Variants in FLACC1 observed in about 807,000 individuals in gnomAD.
The protein encoded by FLACC1 is flagellum-associated coiled-coil domain-containing protein 1.
Under a neutral mutation model 62.8 loss-of-function variants are expected in FLACC1, and 66 were observed. The ratio of observed to expected loss-of-function variants is 1.05; its 90% confidence interval spans 0.86 to 1.29. The LOEUF (loss-of-function observed/expected upper bound fraction) is 1.29, where lower values mean the gene tolerates loss of function less well. FLACC1 is among the 50% of genes most tolerant of loss of function. The pLI, the probability that FLACC1 is intolerant of heterozygous loss-of-function variation, is 0.00. For missense variants in FLACC1, 452 were observed against 489.1 expected, an observed-to-expected ratio of 0.92 and a Z score of 0.71; for synonymous variants, 156 against 161.0, an observed-to-expected ratio of 0.97 and a Z score of 0.24.
At chr2:201,302,487 CT>C (rs1950006414) in intron 11 of FLACC1, among the ~76,000 whole-genome samples, 1 of 152,104 alleles carries the variant, frequency 6.6e-6, no homozygotes, top group South Asian at 2.1e-4. Flanking sequence ...TAATGGGAGA[CT>C]TTAATACCCC....
At chr2:201,359,119 T>A (rs1951161952), upstream of FLACC1, among the ~76,000 whole-genome samples, 1 of 152,080 alleles carries the variant, frequency 6.6e-6, no homozygotes. Flanking sequence ...AGAGAAGACA[T>A]GATAGAACTT....
intron 9 of FLACC1, among the ~76,000 whole-genome samples, chr2:201,312,680 T>C (rs571917635): frequency 6.6e-6 from 1 of 152,288 alleles, no homozygotes; most frequent in African/African-American, 2.4e-5. Flanking sequence ...ATACTACTAA[T>C]ATAAGGCTAC....
chr2:201,330,404 A>G, intron 9 of FLACC1, 66 bp downstream of exon 9: 1 of 1,455,248 alleles, frequency 6.9e-7, no homozygotes. Context: ...CTCTAGATTT[A>G]TCCCAATGTT....
intron 9 of FLACC1, among the ~76,000 whole-genome samples, chr2:201,323,481 T>C (rs905791201): frequency 1.3e-5 from 2 of 152,218 alleles, no homozygotes; most frequent in East Asian, 3.8e-4. Flanking sequence ...AAGAATTCTG[T>C]ATCCTGTAAA....
rs569667681 is a variant in FLACC1 at position 201,330,471 on chromosome 2, T to C, written c.674A>G (p.Gln225Arg). 61 of 1,613,428 alleles carry C rather than the reference T, an allele frequency of 3.8e-5. No individual in the cohort carries two copies. In the South Asian group the frequency reaches 5.9e-4, roughly 16 times the overall value. The change falls in exon 9 of 15, where the codon CAG becomes CGG. Residue 225 changes from glutamine (Q) to arginine (R), a missense_variant and splice_region_variant. Gln to Arg is a conservative substitution (Grantham distance 43). Around this residue, in one of 3 missense-constraint regions of FLACC1, gnomAD observed 301 missense variants for 318.4 expected, o/e 0.95. Coordinates refer to ENST00000392257, the MANE Select transcript of FLACC1 (RefSeq NM_001127391.3). The stretch of plus-strand genomic sequence containing the variant: ...CCAACAGGGAGCTGTGTATCTCACC[T>C]GATACGTACGAAACATATTCTTCAA... Reference protein sequence around the residue: ...KYLKNMFRTYQDSIYDEMEEK... With the variant: ...KYLKNMFRTYRDSIYDEMEEK...
chr2:201,359,954 C>G (rs1203100199), upstream of FLACC1, among the ~76,000 whole-genome samples: 1 of 141,660 alleles, frequency 7.1e-6, no homozygotes, highest in African/African-American at 2.6e-5. Flanking sequence ...AAAAAAAAAG[C>G]AGCAGGATTT....
intron 12 of FLACC1, among the ~76,000 whole-genome samples, chr2:201,294,638 T>G (rs1410062824): frequency 1.3e-5 from 2 of 151,964 alleles, no homozygotes; most frequent in African/African-American, 4.8e-5. Context: ...CTCTCACCAC[T>G]CCCATTCAAC....
chr2:201,341,869 TG>T (rs1950817438), intron 7 of FLACC1, among the ~76,000 whole-genome samples: 1 of 152,210 alleles, frequency 6.6e-6, no homozygotes, highest in African/African-American at 2.4e-5. Context: ...TCTGTCTTTC[TG>T]TATTTGGACT....
intron 1 of FLACC1, among the ~76,000 whole-genome samples, chr2:201,354,689 A>G (rs1219911794): frequency 6.6e-6 from 1 of 152,226 alleles, no homozygotes; most frequent in Non-Finnish European, 1.5e-5. Context: ...AGCAAAAAAG[A>G]AACTGCTTCT....
chr2:201,362,853 G>A, the FLACC1 span, among the ~76,000 whole-genome samples: 2 of 152,024 alleles, frequency 1.3e-5, no homozygotes, highest in African/African-American at 4.8e-5. Flanking sequence ...GCTTAGGGTA[G>A]GAGTCTCCAT....
intron 6 of FLACC1, among the ~76,000 whole-genome samples, chr2:201,342,718 C>T (rs1318699450): frequency 1.3e-5 from 2 of 152,178 alleles, no homozygotes; most frequent in Non-Finnish European, 2.9e-5. Flanking sequence ...GTCTGGTCTC[C>T]TGTGCTAGAT....
chr2:201,294,872 C>A (rs1432029495), intron 12 of FLACC1, among the ~76,000 whole-genome samples: 2 of 152,142 alleles, frequency 1.3e-5, no homozygotes. Flanking sequence ...TTCCTATACA[C>A]CAATAACAGA....
At chr2:201,357,809 T>C (rs1318784519), upstream of FLACC1, among the ~76,000 whole-genome samples, 1 of 152,200 alleles carries the variant, frequency 6.6e-6, no homozygotes, top group Non-Finnish European at 1.5e-5. Flanking sequence ...TCCGATTTTT[T>C]TTTTTAAATA....
At chr2:201,296,850 C>T (rs759893242) in intron 12 of FLACC1, among the ~76,000 whole-genome samples, 2 of 152,004 alleles carry the variant, frequency 1.3e-5, no homozygotes, top group South Asian at 2.1e-4. Flanking sequence ...AGTGAATGCA[C>T]GTATCTTACT....
chr2:201,312,791 T>C (rs1273299100), intron 9 of FLACC1, among the ~76,000 whole-genome samples: 2 of 152,186 alleles, frequency 1.3e-5, no homozygotes, highest in African/African-American at 2.4e-5. Flanking sequence ...CCAGAACTAC[T>C]GCAGGAATAA....
intron 12 of FLACC1, among the ~76,000 whole-genome samples, chr2:201,291,574 G>T (rs1050634557): frequency 1.3e-5 from 2 of 152,146 alleles, no homozygotes; most frequent in Admixed American, 1.3e-4. Context: ...CAAAGATGGG[G>T]AAAAAACAGA....
chr2:201,323,586 C>G (rs891669175), intron 9 of FLACC1, among the ~76,000 whole-genome samples: 1 of 151,830 alleles, frequency 6.6e-6, no homozygotes, highest in Non-Finnish European at 1.5e-5. Context: ...ACAAGAAATG[C>G]TACCAGCCTG....
At chr2:201,337,335 A>G (rs1251243708) in intron 7 of FLACC1, among the ~76,000 whole-genome samples, 1 of 152,142 alleles carries the variant, frequency 6.6e-6, no homozygotes, top group Non-Finnish European at 1.5e-5. Flanking sequence ...ATAGGGGTCT[A>G]GTTTCACCCT....
intron 9 of FLACC1, among the ~76,000 whole-genome samples, chr2:201,311,056 C>T (rs1042623767): frequency 2.0e-5 from 3 of 151,860 alleles, no homozygotes; most frequent in Non-Finnish European, 2.9e-5. Context: ...TGGATAAATT[C>T]CTGGAAACAC....
Sources: allele counts gnomAD v4.1 joint callset (sites outside exome capture counted in the v4.1 genomes callset), GRCh38; gene constraint gnomAD v4.1.1; regional missense constraint gnomAD v4.1.1; transcripts MANE v1.5; gene names NCBI Gene and HGNC (gene_info 2026-07-23, HGNC 2026-07-21).